Variants in MAP3K5 observed in about 807,000 individuals in gnomAD.
MAP3K5 encodes mitogen-activated protein kinase kinase kinase 5, also known as ASK-1.
Under a neutral mutation model 158.7 loss-of-function variants are expected in MAP3K5, and 56 were observed. That is an observed-to-expected ratio of 0.35 (90% CI 0.28 to 0.44). The LOEUF (loss-of-function observed/expected upper bound fraction) is 0.44, where lower values mean the gene tolerates loss of function less well. Among genes scored for constraint, MAP3K5 ranks in the 20% least tolerant of loss-of-function variants. The pLI, the probability that MAP3K5 is intolerant of heterozygous loss-of-function variation, is 1.00. For missense variants in MAP3K5, 1,294 were observed against 1,674.8 expected (o/e 0.77, Z 3.97); for synonymous variants, 579 against 601.7 (o/e 0.96, Z 0.55).
intron 1 of MAP3K5, among the ~76,000 whole-genome samples, chr6:136,779,539 T>G (rs1299892547): frequency 6.6e-6 from 1 of 152,144 alleles, no homozygotes; most frequent in Non-Finnish European, 1.5e-5. Context: ...ATGCTGTTTG[T>G]GTATGGCTTG....
At chr6:136,559,213 G>A (rs189260222) in intron 28 of MAP3K5, among the ~76,000 whole-genome samples, 132 of 152,214 alleles carry the variant, frequency 8.7e-4, no homozygotes, top group Non-Finnish European at 1.5e-3. Context: ...TTAGCTGGGC[G>A]TGGTGGCGTA....
chr6:136,778,357 A>G (rs1673099016), intron 1 of MAP3K5, among the ~76,000 whole-genome samples: 1 of 152,172 alleles, frequency 6.6e-6, no homozygotes, highest in South Asian at 2.1e-4. Context: ...CCTGTTCTCA[A>G]GTGCACAGTT....
intron 1 of MAP3K5, among the ~76,000 whole-genome samples, chr6:136,733,940 ACCCTAAAAATCCTCTG>A (rs757965704): frequency 1.9e-4 from 29 of 152,154 alleles, no homozygotes; most frequent in Non-Finnish European, 2.1e-4. Flanking sequence ...AGACCATAAC[ACCCTAAAAATCCTCTG>A]CCCTAAAAAT....
intron 21 of MAP3K5, among the ~76,000 whole-genome samples, chr6:136,596,644 C>T (rs576660307): frequency 1.3e-5 from 2 of 152,312 alleles, no homozygotes; most frequent in South Asian, 2.1e-4. Flanking sequence ...GGAGCCAGAA[C>T]TCATCTGTGA....
intron 2 of MAP3K5, among the ~76,000 whole-genome samples, chr6:136,706,920 G>A (rs373949520): frequency 1.5e-4 from 23 of 152,348 alleles, no homozygotes; most frequent in Middle Eastern, 3.4e-3. Context: ...GGCTAAGGCC[G>A]GAAGATCACT....
intron 1 of MAP3K5, among the ~76,000 whole-genome samples, chr6:136,773,398 C>G (rs1192059354): frequency 6.6e-6 from 1 of 152,214 alleles, no homozygotes; most frequent in Non-Finnish European, 1.5e-5. Flanking sequence ...CATCTACCAC[C>G]ACCTGCTTTC....
At chr6:136,602,097 A>G in intron 19 of MAP3K5, 118 bp from the exon 20 acceptor site, 1 of 738,262 alleles carries the variant, frequency 1.4e-6, no homozygotes, top group East Asian at 2.7e-5. Flanking sequence ...TACAACACAA[A>G]CTTATGGCTT....
rs530616428 is a variant in MAP3K5 at position 136,613,395 on chromosome 6, AAAC to A, written c.2279-142_2279-140del. On this transcript the variant is annotated intron_variant, in intron 16 of 29. Transcript: ENST00000359015. This position sits in a 1 kb window ranked among gnomAD's most constrained non-coding sequence, Gnocchi z 4.0. Reference sequence around the variant, plus strand: ...AGGAGCTATACTGGATATCGGGCTCAAACATGAATTTGCAAATATCCCTACTCT... The same window carrying A: ...AGGAGCTATACTGGATATCGGGCTCAATGAATTTGCAAATATCCCTACTCT... 36 of 624,894 alleles carry A rather than the reference AAAC, an allele frequency of 5.8e-5. No individual in the cohort carries two copies. The South Asian group carries it at 1.1e-3, about 19-fold the overall frequency. The allele number at this position is 624,894 out of a possible 1,614,324, so 38.7% of individuals were successfully genotyped here.
chr6:136,632,022 A>C lies in MAP3K5; in HGVS notation c.2016+5303T>G, dbSNP rs144243346. On this transcript the variant is annotated intron_variant, in intron 14 of 29. Coordinates refer to ENST00000359015, the MANE Select transcript of MAP3K5 (RefSeq NM_005923.4). ...AGGACACAGGACCTGGATCTGAAAA[A>C]TTAAGGCTTTGGTCACTAAGTGGGA... 5.3e-5 allele frequency among the ~76,000 whole-genome samples: 8 copies of C among 152,310 alleles called. No homozygotes were observed. In the East Asian group the frequency reaches 1.4e-3, roughly 26 times the overall value.
chr6:136,743,892 G>A (rs986173427), intron 1 of MAP3K5, among the ~76,000 whole-genome samples: 3 of 152,162 alleles, frequency 2.0e-5, no homozygotes, highest in South Asian at 4.1e-4. Flanking sequence ...GAAAGGACAC[G>A]AAGGAAACTT....
chr6:136,779,227 T>C (rs930501845), intron 1 of MAP3K5, among the ~76,000 whole-genome samples: 2 of 151,904 alleles, frequency 1.3e-5, no homozygotes, highest in African/African-American at 2.4e-5. Flanking sequence ...AGCCTGGGTA[T>C]AGAGTGAGCC....
chr6:136,703,510 T>C (rs937298643), intron 3 of MAP3K5, among the ~76,000 whole-genome samples: 5 of 152,212 alleles, frequency 3.3e-5, no homozygotes, highest in Non-Finnish European at 7.3e-5. Context: ...GCCTCCCCTG[T>C]GAGAACCCTG....
chr6:136,691,282 A>C (rs1383116589), intron 7 of MAP3K5, among the ~76,000 whole-genome samples: 1 of 152,124 alleles, frequency 6.6e-6, no homozygotes, highest in Admixed American at 6.5e-5. Flanking sequence ...GCAACAGTAT[A>C]TCTCTCCTCT....
intron 15 of MAP3K5, among the ~76,000 whole-genome samples, chr6:136,618,993 T>C (rs1776687591): frequency 6.6e-6 from 1 of 152,086 alleles, no homozygotes; most frequent in South Asian, 2.1e-4. Context: ...TTTGGGCGAG[T>C]GCAACAGAGG....
At chr6:136,655,963 G>A (rs1778726689) in intron 10 of MAP3K5, among the ~76,000 whole-genome samples, 1 of 152,156 alleles carries the variant, frequency 6.6e-6, no homozygotes, top group Non-Finnish European at 1.5e-5. Context: ...ACTGAAGACT[G>A]TGTCAACGTG....
At chr6:136,582,158 T>G (rs1346365877) in intron 24 of MAP3K5, among the ~76,000 whole-genome samples, 1 of 152,180 alleles carries the variant, frequency 6.6e-6, no homozygotes, top group Non-Finnish European at 1.5e-5. Context: ...TCTCAGCTCT[T>G]TATTACATAG....
Position 136,637,806 on chromosome 6 carries a change from G to A in MAP3K5, c.1935-400C>T, listed in dbSNP as rs79172669. On this transcript the variant is annotated intron_variant, in intron 13 of 29. Coordinates refer to ENST00000359015, the MANE Select transcript of MAP3K5 (RefSeq NM_005923.4). ...CATAAAGCCGGGAAGCACTGTGAACGTGGGCTGATGATCCCACAGGCAGGT... is the reference window on the plus strand; with the variant it reads ...CATAAAGCCGGGAAGCACTGTGAACATGGGCTGATGATCCCACAGGCAGGT... 7.3e-3 allele frequency among the ~76,000 whole-genome samples: 1,117 copies of A among 152,260 alleles called. 16 individuals carry two copies. The highest frequency in any genetic ancestry group is 0.024 in the African/African-American group (1,009 of 41,548).
chr6:136,657,079 T>G (rs1050234014), intron 9 of MAP3K5, among the ~76,000 whole-genome samples: 1 of 152,232 alleles, frequency 6.6e-6, no homozygotes, highest in Non-Finnish European at 1.5e-5. Context: ...ATGTGTATAT[T>G]CTATTCAAGG....
chr6:136,595,569 C>A (rs1302617168), intron 21 of MAP3K5, among the ~76,000 whole-genome samples: 1 of 152,104 alleles, frequency 6.6e-6, no homozygotes, highest in Non-Finnish European at 1.5e-5. Context: ...AAGGAAGAAT[C>A]AAAAATGACT....
Sources: gnomAD v4.1 joint callset for allele counts (sites outside exome capture counted in the v4.1 genomes callset) on GRCh38, gnomAD v4.1.1 for gene constraint, Gnocchi (gnomAD v3.1) non-coding constraint, MANE v1.5 for transcripts, NCBI Gene and HGNC (gene_info 2026-07-23, HGNC 2026-07-21) for gene names.